TPR: variants seen among roughly 807,000 people sequenced by gnomAD.
The protein encoded by TPR is translocated promoter region, nuclear basket protein.
Under a neutral mutation model 316.1 loss-of-function variants are expected in TPR, and 51 were observed. That is an observed-to-expected ratio of 0.16 (90% CI 0.13 to 0.20). The LOEUF (loss-of-function observed/expected upper bound fraction) is 0.20. Ranked by LOEUF, TPR falls within the 10% of genes least tolerant of loss-of-function variation. The probability of loss-of-function intolerance (pLI) is 1.00; values close to 1 mark genes in which losing one functional copy is unlikely to be tolerated. For missense variants in TPR, 2,272 were observed against 2,754.8 expected (o/e 0.82, Z 3.92); for synonymous variants, 981 against 914.7 (o/e 1.07, Z -1.31).
intron 29 of TPR, among the ~76,000 whole-genome samples, chr1:186,340,141 A>G (rs1323161187): frequency 2.0e-5 from 3 of 152,224 alleles, no homozygotes; most frequent in Non-Finnish European, 2.9e-5. Context: ...TAGACAATGC[A>G]TTACAAGTTA....
chr1:186,362,901 A>C lies in TPR; in HGVS notation c.632T>G (p.Leu211Arg). 1 of 1,611,158 alleles carries C rather than the reference A, an allele frequency of 6.2e-7. No individual in the cohort carries two copies. Among genetic ancestry groups the C allele is most frequent in the South Asian group, 1.1e-5 (1 of 90,828 alleles). The change falls in exon 6 of 51, where the codon CTT (leucine) becomes CGT (arginine). Residue 211 changes from leucine (L) to arginine (R), a missense_variant. This residue lies in a region of TPR where 549 missense variants were observed against 598.6 expected (regional missense o/e 0.92). Coordinates refer to ENST00000367478, the MANE Select transcript of TPR (RefSeq NM_003292.3). ...AATCTCATTCCCTTTTTCTCTTCCA[A>C]GAGCCAGAAGTTCATCAGTTTTGGT... is the stretch of plus-strand genomic sequence containing the variant. ...LKTKTDELLA[L>R]GREKGNEILE...
chr1:186,346,666 T>G (rs950448088), intron 22 of TPR, among the ~76,000 whole-genome samples: 1 of 152,162 alleles, frequency 6.6e-6, no homozygotes, highest in East Asian at 1.9e-4. Context: ...ATTGAAGCCC[T>G]AGACTATTGC....
chr1:186,311,706 A>C lies in TPR; in HGVS notation c.*2265T>G. The C allele has an allele frequency of 8.4e-7, 1 of 1,192,904 alleles. No individual in the cohort carries two copies. The highest frequency in any genetic ancestry group is 1.2e-6 in the Non-Finnish European group (1 of 827,636). The allele number at this position is 1,192,904 out of a possible 1,614,324, so 73.9% of individuals were successfully genotyped here. Reference sequence around the variant, plus strand: ...AAGATATCTTTAATGGCTGAAATCAAATATTTTCAGTGAAAAAAATCAATA... The same window carrying C: ...AAGATATCTTTAATGGCTGAAATCACATATTTTCAGTGAAAAAAATCAATA... On this transcript the variant is annotated 3_prime_UTR_variant, in exon 51 of 51. Transcript: ENST00000367478.
At chr1:186,320,603 G>A (rs952475540) in intron 45 of TPR, among the ~76,000 whole-genome samples, 185 bp from the exon 46 acceptor site, 7 of 152,158 alleles carry the variant, frequency 4.6e-5, no homozygotes, top group Non-Finnish European at 7.4e-5. Context: ...ACTATCAGCT[G>A]TCAATGAATT....
rs1427725471 is a variant in TPR at position 186,322,408 on chromosome 1, T to C, written c.6371A>G (p.Gln2124Arg). 1 of 1,612,876 alleles carries C rather than the reference T, an allele frequency of 6.2e-7. No individual in the cohort carries two copies. The highest frequency in any genetic ancestry group is 8.5e-7 in the Non-Finnish European group (1 of 1,179,642). ...QLTPGIGGMQ[Q>R]HFFDDEDRTV... The stretch of plus-strand genomic sequence containing the variant: ...TCTGTCTTCATCATCAAAAAAATGC[T>C]GTTGCTAAAACAAAGAAAACAGAGT... The change falls in exon 45 of 51, where the codon CAG becomes CGG. Residue 2124 changes from glutamine (Q) to arginine (R), a missense_variant. Transcript: ENST00000367478.
Position 186,373,817 on chromosome 1 carries a change from CA to C in TPR, c.152-355del, listed in dbSNP as rs924367941. Among the ~76,000 whole-genome samples, 9 of 150,416 alleles carry C rather than the reference CA, an allele frequency of 6.0e-5. No individual in the cohort carries two copies. The East Asian group carries it at 7.8e-4, about 13-fold the overall frequency. On this transcript the variant is annotated intron_variant, in intron 1 of 50. Transcript: ENST00000367478. ...ATTACACGAGAAAAAATTGTTTAGA[CA>C]AAAAAAAACTCCTTTGTTTTAAAAG... is the stretch of plus-strand genomic sequence containing the variant.
Position 186,367,903 on chromosome 1 carries a change from T to C in TPR, c.410A>G (p.Glu137Gly). 1 of 1,609,630 alleles carries C rather than the reference T, an allele frequency of 6.2e-7. No homozygotes were observed. The highest frequency in any genetic ancestry group is 1.1e-5 in the South Asian group (1 of 90,998). ...LIRTNERLSQ[E>G]LEYLTEDVKR... is the part of the protein sequence containing the mutation. Reference sequence around the variant, plus strand: ...CTTCATACCTGTTAAGTATTCAAGTTCTTGAGATAGTCTCTCATTGGTTCT... The same window carrying C: ...CTTCATACCTGTTAAGTATTCAAGTCCTTGAGATAGTCTCTCATTGGTTCT... Residue 137 changes from glutamate (E) to glycine (G), a missense_variant, in exon 4 of 51, where the codon GAA (glutamate) becomes GGA (glycine). This residue lies in a region of TPR where 549 missense variants were observed against 598.6 expected (regional missense o/e 0.92). Transcript: ENST00000367478.
At chr1:186,334,179 G>A (rs575485802) in intron 36 of TPR, 146 bp downstream of exon 36, 16 of 840,960 alleles carry the variant, frequency 1.9e-5, no homozygotes, top group Non-Finnish European at 2.8e-5. Flanking sequence ...GGTCCTAGAA[G>A]TATGTCCTTC....
intron 18 of TPR, among the ~76,000 whole-genome samples, chr1:186,352,761 A>T (rs1261441746): frequency 6.6e-6 from 1 of 152,202 alleles, no homozygotes; most frequent in Admixed American, 6.5e-5. Context: ...GCATTATAAG[A>T]CATGGGTTCA....
chr1:186,350,270 T>C lies in TPR; in HGVS notation c.2729A>G (p.Asn910Ser), dbSNP rs760701497. 49 of 1,613,600 alleles carry C rather than the reference T, an allele frequency of 3.0e-5. No homozygotes were observed. The highest frequency in any genetic ancestry group is 1.1e-4 in the African/African-American group (8 of 74,918). Residue 910 changes from asparagine to serine, a missense_variant, in exon 21 of 51, where the codon AAT (asparagine) becomes AGT (serine). Physicochemically the swap from Asn to Ser is conservative, Grantham distance 46. Around this residue, in one of 10 missense-constraint regions of TPR, gnomAD observed 757 missense variants for 859.8 expected, o/e 0.88. Transcript: ENST00000367478. ...EIATLKQHLS[N>S]MEVQVASQSS... is the part of the protein sequence containing the mutation. ...CTGAGAAGCAACTTGGACTTCCATA[T>C]TACTGAGGTGCTGTTTCAATGTGGC...
At chr1:186,354,030 AAC>A (rs1192846641) in intron 17 of TPR, 180 bp from the exon 18 acceptor site, 4 of 509,798 alleles carry the variant, frequency 7.8e-6, no homozygotes, top group African/African-American at 3.9e-5. Context: ...TAACTCCAGG[AAC>A]AGTTTTTATA....
In TPR at chr1:186,362,397, G is replaced by C; in HGVS notation, c.697-17C>G. 1 of 1,583,956 alleles carries C rather than the reference G, an allele frequency of 6.3e-7. No homozygotes were observed. The highest frequency in any genetic ancestry group is 8.7e-7 in the Non-Finnish European group (1 of 1,153,880). ...TCTAGAAACCTAAAAACAAAAAATA[G>C]AGCAGGGGGAAAGGATGTCATATTA... On this transcript the variant is annotated splice_polypyrimidine_tract_variant and intron_variant, in intron 6 of 50. Transcript: ENST00000367478.
chr1:186,323,321 T>C (rs1274794542), intron 43 of TPR, among the ~76,000 whole-genome samples: 2 of 152,200 alleles, frequency 1.3e-5, no homozygotes, highest in Non-Finnish European at 2.9e-5. Flanking sequence ...CTTTATCTTT[T>C]ATAAATACGT....
rs746500765 is a variant in TPR, at chr1:186,332,286, C to T, written c.5513G>A (p.Ser1838Asn). ...PKRTREEEEDSTIEASDQVSD... is the reference protein window; with the variant it reads ...PKRTREEEEDNTIEASDQVSD... ...GACTTGGTCTGATGCTTCTATGGTG[C>T]TATCCTCTTCCTCTTCACGTGTACG... The change falls in exon 38 of 51, where the codon AGC (serine) becomes AAC (asparagine). Residue 1838 changes from serine (S) to asparagine (N), a missense_variant. Physicochemically the swap from Ser to Asn is conservative, Grantham distance 46. This residue lies in a region of TPR where 435 missense variants were observed against 461.1 expected (regional missense o/e 0.94). Transcript: ENST00000367478. 1.2e-6 allele frequency: 2 copies of T among 1,612,840 alleles called. No homozygotes were observed. Among genetic ancestry groups the T allele is most frequent in the Non-Finnish European group, 1.7e-6 (2 of 1,179,356 alleles).
intron 35 of TPR, 90 bp from the exon 36 acceptor site, chr1:186,334,623 T>G: frequency 7.5e-7 from 1 of 1,341,506 alleles, no homozygotes. Context: ...TCCATTTTTT[T>G]GTTCACTAAA....
intron 19 of TPR, 83 bp downstream of exon 19, chr1:186,351,893 C>G (rs998150548): frequency 1.4e-6 from 2 of 1,468,500 alleles, no homozygotes. Context: ...GATAAATTTT[C>G]TAATTAAGGA....
intron 21 of TPR, among the ~76,000 whole-genome samples, chr1:186,348,757 A>AT (rs2101972315): frequency 6.6e-6 from 1 of 152,302 alleles, no homozygotes; most frequent in South Asian, 2.1e-4. Context: ...ACACTGAAAG[A>AT]TTGGGGGTGT....
In TPR at chr1:186,339,693, C is replaced by T. The variant is rs371476019; in HGVS notation, c.4100G>A (p.Arg1367His). 1.1e-5 allele frequency: 17 copies of T among 1,600,084 alleles called. No homozygotes were observed. The highest frequency in any genetic ancestry group is 6.9e-5 in the Admixed American group (4 of 58,308). Residue 1367 changes from arginine to histidine, a missense_variant, in exon 30 of 51, where the codon CGT becomes CAT. Around this residue, in one of 10 missense-constraint regions of TPR, gnomAD observed 96 missense variants for 134.6 expected, o/e 0.71. Transcript: ENST00000367478. ...AATTTCTTCTGTCAATTGTTGAATA[C>T]GCTTAGTATGAACTTCCTTTTCAGA... is the stretch of plus-strand genomic sequence containing the variant. ...LLSEKEVHTK[R>H]IQQLTEEIGR...
rs199892357 is a variant in TPR, at chr1:186,360,827, A to C, written c.1037T>G (p.Ile346Arg). The C allele has an allele frequency of 1.2e-6, 2 of 1,612,670 alleles. No individual in the cohort carries two copies. Among genetic ancestry groups the C allele is most frequent in the African/African-American group, 2.7e-5 (2 of 74,816 alleles). ...CTCTAATTCCTTCTCCAATCTCCCT[A>C]TTTTCTCAAGCATTTCTTTTTCCAT... ...DQMEKEMLEKIGRLEKELENA... is the reference protein window; with the variant it reads ...DQMEKEMLEKRGRLEKELENA... The change falls in exon 10 of 51, where the codon ATA (isoleucine) becomes AGA (arginine). Residue 346 changes from isoleucine to arginine, a missense_variant. Coordinates refer to ENST00000367478, the MANE Select transcript of TPR (RefSeq NM_003292.3).
Sources: gnomAD v4.1 joint callset for allele counts (sites outside exome capture counted in the v4.1 genomes callset) on GRCh38, gnomAD v4.1.1 for gene constraint, gnomAD v4.1.1 regional missense constraint, MANE v1.5 for transcripts, NCBI Gene and HGNC (gene_info 2026-07-23, HGNC 2026-07-21) for gene names.